The following PPHLN1 variants were observed in gnomAD, a reference collection of about 807,000 sequenced individuals.
PPHLN1 encodes the protein periphilin 1.
PPHLN1 carries 29 observed loss-of-function variants against 51.3 expected under a neutral mutation model. The ratio of observed to expected loss-of-function variants is 0.57; its 90% CI spans 0.42 to 0.77. The LOEUF (loss-of-function observed/expected upper bound fraction) is 0.77, where lower values mean the gene tolerates loss of function less well. PPHLN1 is among the 30% of genes least tolerant of loss of function. The pLI, the probability that PPHLN1 is intolerant of heterozygous loss-of-function variation, is 0.00. For synonymous variants in PPHLN1, 147 were observed against 147.8 expected, an observed-to-expected ratio of 0.99 and a Z score of 0.04; for missense variants, 436 against 438.4, an observed-to-expected ratio of 0.99 and a Z score of 0.05.
At chr12:42,344,366 T>C (rs1446858440) in intron 2 of PPHLN1, among the ~76,000 whole-genome samples, 1 of 152,220 alleles carries the variant, frequency 6.6e-6, no homozygotes, top group Non-Finnish European at 1.5e-5. Flanking sequence ...ATTAATGTGA[T>C]CAACTCCCAA....
chr12:42,418,154 T>C lies in PPHLN1; in HGVS notation c.909+19160T>C, dbSNP rs1009608678. Among the ~76,000 whole-genome samples the C allele has an allele frequency of 1.8e-4, 27 of 149,502 alleles. 1 individual carries two copies. The highest frequency in any genetic ancestry group is 6.4e-4 in the African/African-American group (26 of 40,788). ...CAGGGTTTCACTGTGTTAGCCAGGA[T>C]GGTCTCGATCTCATGACCTCGTGAT... On this transcript the variant is annotated intron_variant, in intron 9 of 9. Coordinates refer to ENST00000358314, the MANE Select transcript of PPHLN1 (RefSeq NM_201439.2).
intron 4 of PPHLN1, among the ~76,000 whole-genome samples, chr12:42,372,823 A>G (rs2075925362): frequency 1.3e-5 from 2 of 152,086 alleles, no homozygotes; most frequent in South Asian, 4.1e-4. Flanking sequence ...CAAAATGTGG[A>G]CCTCTCACCT....
intron 2 of PPHLN1, among the ~76,000 whole-genome samples, chr12:42,338,855 A>AT: frequency 6.6e-6 from 1 of 152,302 alleles, no homozygotes; most frequent in East Asian, 1.9e-4. Flanking sequence ...AGTTCAAGTG[A>AT]TTCTTACATG....
intron 2 of PPHLN1, chr12:42,350,293 C>T (rs1221215351): frequency 6.2e-6 from 1 of 160,284 alleles, no homozygotes; most frequent in Non-Finnish European, 1.3e-5. Context: ...AGACGATGGG[C>T]GGCCGGGCAG....
At chr12:42,420,871 A>C (rs1230615696) in intron 9 of PPHLN1, among the ~76,000 whole-genome samples, 1 of 151,924 alleles carries the variant, frequency 6.6e-6, no homozygotes, top group East Asian at 1.9e-4. Flanking sequence ...TAGGCTTTTC[A>C]CTATTTTGAA....
chr12:42,418,914 C>T (rs754339224), intron 9 of PPHLN1, among the ~76,000 whole-genome samples: 2 of 152,094 alleles, frequency 1.3e-5, no homozygotes, highest in Non-Finnish European at 2.9e-5. Flanking sequence ...TGAATTAATG[C>T]TTTCTAAGTA....
At chr12:42,446,878 C>G (rs185055775), downstream of PPHLN1, 108 of 418,814 alleles carry the variant, frequency 2.6e-4, 1 homozygote, top group Middle Eastern at 6.4e-4. Context: ...AGGAATTTAT[C>G]TAGATAAGTT....
rs60131845 is a variant in PPHLN1 at position 42,396,615 on chromosome 12, C to CAAAAAAAAAAAAAAAA, written c.769-2221_769-2206dup. 1.6e-4 allele frequency among the ~76,000 whole-genome samples: 14 copies of CAAAAAAAAAAAAAAAA among 85,486 alleles called. 1 individual carries two copies. Among genetic ancestry groups the CAAAAAAAAAAAAAAAA allele is most frequent in the East Asian group, 1.3e-3 (3 of 2,328 alleles). 56.1% of individuals were successfully genotyped at this position (85,486 alleles called of 152,430 possible). On this transcript the variant is annotated intron_variant, in intron 8 of 9. Transcript: ENST00000358314. ...GCAATGTAGTAAGGTCTTGTCACTACAAAAAAAAAAAAAAAAAAAAAAAAA... is the reference window on the plus strand; with the variant it reads ...GCAATGTAGTAAGGTCTTGTCACTACAAAAAAAAAAAAAAAAAAAAAAAAAAAAAAAAAAAAAAAAA...
At chr12:42,371,807 A>G (rs1343682881) in intron 4 of PPHLN1, among the ~76,000 whole-genome samples, 1 of 152,218 alleles carries the variant, frequency 6.6e-6, no homozygotes, top group African/African-American at 2.4e-5. Flanking sequence ...TGTTGGTAAT[A>G]CTTTGGATAT....
intron 9 of PPHLN1, among the ~76,000 whole-genome samples, chr12:42,423,488 A>G (rs2081175465): frequency 6.6e-6 from 1 of 152,176 alleles, no homozygotes; most frequent in African/African-American, 2.4e-5. Context: ...GTGGTATTGT[A>G]TGTTACCTAA....
chr12:42,368,830 A>C (rs2075528047), intron 4 of PPHLN1, among the ~76,000 whole-genome samples: 1 of 152,220 alleles, frequency 6.6e-6, no homozygotes, highest in Non-Finnish European at 1.5e-5. Flanking sequence ...AAACTTTTAA[A>C]GCACAAAAAT....
At chr12:42,389,336 G>A (rs377664168) in intron 7 of PPHLN1, among the ~76,000 whole-genome samples, 1 of 152,140 alleles carries the variant, frequency 6.6e-6, no homozygotes, top group South Asian at 2.1e-4. Context: ...TCACGCCACT[G>A]CACTCCAGCC....
intron 9 of PPHLN1, among the ~76,000 whole-genome samples, chr12:42,423,974 G>A (rs919676126): frequency 2.0e-5 from 3 of 152,180 alleles, no homozygotes; most frequent in African/African-American, 7.2e-5. Context: ...ACTGCACCTG[G>A]CCGACCATGG....
At position 42,441,554 on chromosome 12, in the gene PPHLN1, A is replaced by T. The variant is rs575695902; in HGVS notation, c.*45A>T. The T allele has an allele frequency of 8.9e-4, 1,317 of 1,473,438 alleles. 19 individuals carry two copies. The African/African-American group carries it at 0.017, about 19-fold the overall frequency. 91.3% of individuals were successfully genotyped at this position (1,473,438 alleles called of 1,614,324 possible). On this transcript the variant is annotated 3_prime_UTR_variant, in exon 10 of 10. Coordinates refer to ENST00000358314, the MANE Select transcript of PPHLN1 (RefSeq NM_201439.2). The stretch of plus-strand genomic sequence containing the variant: ...AAAAAAAAAAAAACAGTTTCTAAAA[A>T]TTTTTTTTCCTGGATTGTGTAAATC...
At chr12:42,404,582 G>C (rs11181483) in intron 9 of PPHLN1, among the ~76,000 whole-genome samples, 49,081 of 145,502 alleles carry the variant, frequency 0.34, 8,999 homozygotes, top group South Asian at 0.47. Flanking sequence ...TGTGATATAG[G>C]TTTACCTCTG....
intron 9 of PPHLN1, among the ~76,000 whole-genome samples, chr12:42,427,437 A>G (rs547515206): frequency 1.3e-5 from 2 of 152,350 alleles, no homozygotes; most frequent in Admixed American, 1.3e-4. Flanking sequence ...GATCAATGGA[A>G]CAGAATAGAG....
intron 7 of PPHLN1, among the ~76,000 whole-genome samples, 185 bp downstream of exon 7, chr12:42,387,720 G>T (rs536215443): frequency 1.3e-5 from 2 of 152,194 alleles, no homozygotes; most frequent in Non-Finnish European, 2.9e-5. Flanking sequence ...GACTGAGATT[G>T]TAGGGAAAAG....
intron 9 of PPHLN1, chr12:42,431,948 G>A: frequency 6.7e-7 from 1 of 1,500,132 alleles, no homozygotes; most frequent in Non-Finnish European, 9.3e-7. Context: ...TTAGTACTGT[G>A]ATGAGATTTG....
intron 9 of PPHLN1, among the ~76,000 whole-genome samples, chr12:42,403,570 T>C (rs757280954): frequency 1.7e-4 from 26 of 152,244 alleles, no homozygotes; most frequent in Non-Finnish European, 3.2e-4. Flanking sequence ...TTAGTTATTT[T>C]GTACCTGATA....
Sources: allele counts gnomAD v4.1 joint callset (sites outside exome capture counted in the v4.1 genomes callset), GRCh38; gene constraint gnomAD v4.1.1; transcripts MANE v1.5; gene names NCBI Gene and HGNC (gene_info 2026-07-23, HGNC 2026-07-21).